The following A4GALT variants were observed in gnomAD, a reference collection of about 807,000 sequenced individuals.
A4GALT encodes alpha 1,4-galactosyltransferase (P1PK blood group).
For synonymous variants in A4GALT, 257 were observed against 220.7 expected, an observed-to-expected ratio of 1.16 and a Z score of -1.46; for missense variants, 512 against 486.0, an observed-to-expected ratio of 1.05 and a Z score of -0.50.
chr22:42,710,504 TG>T (rs1921585859), intron 1 of A4GALT, among the ~76,000 whole-genome samples: 2 of 152,000 alleles, frequency 1.3e-5, no homozygotes, highest in African/African-American at 4.8e-5. Context: ...AAGACCAGTC[TG>T]GACAACATGG....
chr22:42,708,508 T>TA (rs1313098315), intron 1 of A4GALT, among the ~76,000 whole-genome samples: 1 of 141,430 alleles, frequency 7.1e-6, no homozygotes, highest in Non-Finnish European at 1.5e-5. Context: ...TCAGCCTGTA[T>TA]GACACGGCAA....
At chr22:42,713,341 C>T (rs182524138) in intron 1 of A4GALT, among the ~76,000 whole-genome samples, 49 of 152,322 alleles carry the variant, frequency 3.2e-4, no homozygotes, top group Non-Finnish European at 4.9e-4. Context: ...TGGAAAGAAA[C>T]CAGACAAGTC....
rs1378078150 is a variant in A4GALT at position 42,693,533 on chromosome 22, T to G, written c.419A>C (p.Gln140Pro). Reference protein sequence around the residue: ...ISLLSCFPNVQMLPLDLRELF... With the variant: ...ISLLSCFPNVPMLPLDLRELF... Reference sequence around the variant, plus strand: ...CTCCCGCAGGTCCAGCGGGAGCATCTGGACATTCGGGAAGCAGCTCAGAAG... The same window carrying G: ...CTCCCGCAGGTCCAGCGGGAGCATCGGGACATTCGGGAAGCAGCTCAGAAG... Residue 140 changes from glutamine (Q) to proline (P), a missense_variant, in exon 3 of 3, where the codon CAG becomes CCG. By Grantham distance (76) the Gln-to-Pro change is moderately conservative. Transcript: ENST00000642412. 1.2e-6 allele frequency: 2 copies of G among 1,613,276 alleles called. No individual in the cohort carries two copies.
intron 1 of A4GALT, among the ~76,000 whole-genome samples, chr22:42,717,309 C>G (rs1167355712): frequency 6.6e-6 from 1 of 152,188 alleles, no homozygotes; most frequent in African/African-American, 2.4e-5. Context: ...TGCTTTGAAC[C>G]TGGCCCTGCA....
At chr22:42,716,579 G>T (rs1301154212) in intron 1 of A4GALT, among the ~76,000 whole-genome samples, 3 of 152,176 alleles carry the variant, frequency 2.0e-5, no homozygotes, top group African/African-American at 7.2e-5. Flanking sequence ...GGCAGAGCGG[G>T]GTTCAAACAC....
rs1180529043 is a variant in A4GALT, at chr22:42,709,067, A to ATATATATATTTTTTTT, written c.-188+11729_-188+11730insAAAAAAAATATATATA. 6.2e-3 allele frequency among the ~76,000 whole-genome samples: 794 copies of ATATATATATTTTTTTT among 128,684 alleles called. 7 individuals are homozygous for ATATATATATTTTTTTT. Among genetic ancestry groups the ATATATATATTTTTTTT allele is most frequent in the South Asian group, 0.011 (42 of 3,848 alleles). 84.4% of individuals were successfully genotyped at this position (128,684 alleles called of 152,430 possible). On this transcript the variant is annotated intron_variant, in intron 1 of 2. Coordinates refer to ENST00000642412, the MANE Select transcript of A4GALT (RefSeq NM_017436.7). ...AATTTAAATATATATATATATATAT[A>ATATATATATTTTTTTT]TTTTTTTTAAGACAGGGTCTGCTGT...
chr22:42,706,353 C>A (rs7287103), intron 1 of A4GALT, among the ~76,000 whole-genome samples: 5 of 98,490 alleles, frequency 5.1e-5, no homozygotes, highest in Admixed American at 1.2e-4. Flanking sequence ...AGACTCCATC[C>A]CAAAAAAAAA....
At chr22:42,710,443 C>T (rs1483004031) in intron 1 of A4GALT, among the ~76,000 whole-genome samples, 3 of 152,090 alleles carry the variant, frequency 2.0e-5, no homozygotes, top group African/African-American at 7.2e-5. Context: ...CACCTGTAAT[C>T]CCAGCACTTT....
intron 1 of A4GALT, among the ~76,000 whole-genome samples, chr22:42,710,639 G>A (rs1245241345): frequency 1.3e-5 from 2 of 152,022 alleles, no homozygotes; most frequent in Non-Finnish European, 2.9e-5. Flanking sequence ...GGAGGCTGCA[G>A]CAAGCCAAGA....
rs1456937951 is a variant in A4GALT at position 42,693,640 on chromosome 22, A to C, written c.312T>G (p.Thr104=). The change falls in exon 3 of 3, where the codon ACT becomes ACG. Residue 104 remains threonine (T), a synonymous_variant. Transcript: ENST00000642412. ...FMCSVESAAR[T]HPESHVLVLM... ...GGACCAGCACGTGGGATTCGGGGTG[A>C]GTTCTGGCGGCCGACTCCACCGAGC... 5.6e-6 allele frequency: 9 copies of C among 1,600,796 alleles called. No homozygotes were observed. The East Asian group carries it at 1.8e-4, about 32-fold the overall frequency.
At chr22:42,709,343 C>CAA (rs368146424) in intron 1 of A4GALT, among the ~76,000 whole-genome samples, 43,160 of 101,622 alleles carry the variant, frequency 0.42, 8,046 homozygotes, top group Middle Eastern at 0.54. Context: ...CTGTGCCAGG[C>CAA]CAAAAAAAAA....
intron 1 of A4GALT, among the ~76,000 whole-genome samples, chr22:42,720,113 C>G (rs569863898): frequency 6.6e-6 from 1 of 152,194 alleles, no homozygotes; most frequent in South Asian, 2.1e-4. Flanking sequence ...CCGCTCAGTC[C>G]TCAACCTTCC....
At chr22:42,699,111 T>C (rs761551149) in intron 1 of A4GALT, among the ~76,000 whole-genome samples, 6 of 151,710 alleles carry the variant, frequency 4.0e-5, no homozygotes, top group Admixed American at 6.6e-5. Context: ...TTTTTATGAG[T>C]CTTGCTCTGT....
chr22:42,717,428 C>T (rs9623671), intron 1 of A4GALT, among the ~76,000 whole-genome samples: 75,328 of 151,904 alleles, frequency 0.5, 20,283 homozygotes, highest in East Asian at 0.82. Flanking sequence ...CCCTCCCCTC[C>T]GCTGACTTCC....
intron 1 of A4GALT, among the ~76,000 whole-genome samples, chr22:42,699,723 C>T (rs1931172803): frequency 6.6e-6 from 1 of 152,174 alleles, no homozygotes; most frequent in Admixed American, 6.5e-5. Flanking sequence ...GATGTTTGTT[C>T]CAAACCACAG....
chr22:42,696,626 C>T (rs1039323247), intron 1 of A4GALT, among the ~76,000 whole-genome samples: 7 of 151,754 alleles, frequency 4.6e-5, no homozygotes, highest in African/African-American at 7.3e-5. Context: ...GTTCCCAGCA[C>T]GCAGCAGGCA....
intron 1 of A4GALT, among the ~76,000 whole-genome samples, chr22:42,707,915 G>A (rs1445705490): frequency 6.9e-6 from 1 of 144,060 alleles, no homozygotes; most frequent in Non-Finnish European, 1.5e-5. Context: ...TGGGAGGATC[G>A]TTTGAGACCA....
At chr22:42,697,989 G>C (rs1324424998) in intron 1 of A4GALT, among the ~76,000 whole-genome samples, 2 of 151,830 alleles carry the variant, frequency 1.3e-5, no homozygotes, top group Non-Finnish European at 2.9e-5. Context: ...GGTGGCTCAC[G>C]CCTGTAATCC....
In A4GALT at chr22:42,692,407, C is replaced by A. The variant is rs28915388; in HGVS notation, c.*483G>T. 3 of 312,234 alleles carry A rather than the reference C, an allele frequency of 9.6e-6. No individual in the cohort carries two copies. Among genetic ancestry groups the A allele is most frequent in the Non-Finnish European group, 1.9e-5 (3 of 158,222 alleles). 19.3% of individuals were successfully genotyped at this position (312,234 alleles called of 1,614,324 possible). ...TCCCCCACCCCCCGCGAAAGAGGAA[C>A]CAAAACCAGAAAAGAACAAAGCATC... On this transcript the variant is annotated 3_prime_UTR_variant, in exon 3 of 3. Coordinates refer to ENST00000642412, the MANE Select transcript of A4GALT (RefSeq NM_017436.7). The surrounding 1 kb of genome is among the most constrained non-coding windows in gnomAD (Gnocchi z 4.6).
Sources: allele counts gnomAD v4.1 joint callset (sites outside exome capture counted in the v4.1 genomes callset), GRCh38; gene constraint gnomAD v4.1.1; non-coding constraint Gnocchi (gnomAD v3.1); transcripts MANE v1.5; gene names NCBI Gene and HGNC (gene_info 2026-07-23, HGNC 2026-07-21).